The following CSMD3 variants were observed in gnomAD, a reference collection of about 807,000 sequenced individuals.
CSMD3 encodes the protein CUB and Sushi multiple domains 3.
A neutral mutation model predicts 435.2 loss-of-function variants in CSMD3; 177 were observed. That is an observed-to-expected ratio of 0.41 (90% CI 0.36 to 0.46). CSMD3 has a LOEUF of 0.46. CSMD3 is among the 20% of genes least tolerant of loss of function. The pLI, the probability that CSMD3 is intolerant of heterozygous loss-of-function variation, is 0.34. For synonymous variants in CSMD3, 1,656 were observed against 1,520.5 expected (o/e 1.09, Z -2.07); for missense variants, 4,265 against 4,504.6 (o/e 0.95, Z 1.52).
intron 27 of CSMD3, among the ~76,000 whole-genome samples, chr8:112,550,349 A>G (rs2131186420): frequency 6.6e-6 from 1 of 152,012 alleles, no homozygotes; most frequent in South Asian, 2.1e-4. Flanking sequence ...ATATTTTAAA[A>G]CTTCTACTTT....
intron 10 of CSMD3, among the ~76,000 whole-genome samples, chr8:112,911,720 T>C (rs2082421463): frequency 6.8e-6 from 1 of 147,966 alleles, no homozygotes; most frequent in South Asian, 2.1e-4. Flanking sequence ...TATTATGTTA[T>C]ATATAATTAT....
At chr8:113,314,129 A>G (rs1383468361) in intron 2 of CSMD3, 1 of 153,936 alleles carries the variant, frequency 6.5e-6, no homozygotes, top group African/African-American at 2.4e-5. Context: ...AACTACACAC[A>G]TTATCAGAAA....
At chr8:113,255,588 C>T (rs1057092028) in intron 3 of CSMD3, among the ~76,000 whole-genome samples, 14 of 151,988 alleles carry the variant, frequency 9.2e-5, no homozygotes, top group Non-Finnish European at 1.9e-4. Flanking sequence ...CAATTATCCT[C>T]ACTGTGTATT....
intron 12 of CSMD3, among the ~76,000 whole-genome samples, chr8:112,809,077 T>C (rs1435920080): frequency 6.6e-6 from 1 of 152,180 alleles, no homozygotes; most frequent in Non-Finnish European, 1.5e-5. Flanking sequence ...ATTTTTCCCC[T>C]TTGAACTAAT....
chr8:112,874,779 C>T (rs1407067921), intron 10 of CSMD3, among the ~76,000 whole-genome samples: 1 of 151,934 alleles, frequency 6.6e-6, no homozygotes, highest in East Asian at 1.9e-4. Context: ...GGTAAATATT[C>T]CTCCATCCCT....
chr8:112,370,834 G>A (rs1873746), intron 38 of CSMD3, among the ~76,000 whole-genome samples: 59,941 of 151,914 alleles, frequency 0.39, 13,306 homozygotes, highest in Middle Eastern at 0.54. Context: ...AAAATCCAAG[G>A]GGGCAAAAGT....
intron 23 of CSMD3, 40 bp from the exon 24 acceptor site, chr8:112,573,697 T>C (rs1405183485): frequency 1.4e-6 from 2 of 1,416,010 alleles, no homozygotes; most frequent in East Asian, 2.4e-5. Context: ...AATGTGCCAA[T>C]AATAATCAAT....
In CSMD3 at chr8:112,738,089, T is replaced by C. The variant is rs186332294; in HGVS notation, c.1973-48039A>G. Among the ~76,000 whole-genome samples, 10 of 151,900 alleles carry C rather than the reference T, an allele frequency of 6.6e-5. No individual in the cohort carries two copies. In the Admixed American group the frequency reaches 6.6e-4, roughly 10 times the overall value. On this transcript the variant is annotated intron_variant, in intron 13 of 70. Transcript: ENST00000297405. ...AGTGATAAGACCTGACGTTGGTTTA[T>C]AGATTATGGTGTCATTGATGCAGAT...
At chr8:113,278,760 T>A in intron 2 of CSMD3, 56 bp from the exon 3 acceptor site, 2 of 837,090 alleles carry the variant, frequency 2.4e-6, no homozygotes, top group Non-Finnish European at 4.2e-6. Flanking sequence ...TAAGAGTTTT[T>A]AAGAAGGATT....
chr8:112,281,400 T>C (rs1818625163), intron 58 of CSMD3, 50 bp from the exon 59 acceptor site: 1 of 1,491,008 alleles, frequency 6.7e-7, no homozygotes, highest in African/African-American at 1.4e-5. Flanking sequence ...AATCAGAAAT[T>C]CTTCCCAAAA....
intron 45 of CSMD3, among the ~76,000 whole-genome samples, chr8:112,334,327 T>G (rs1824365548): frequency 6.6e-6 from 1 of 152,212 alleles, no homozygotes; most frequent in African/African-American, 2.4e-5. Flanking sequence ...TAAATGTCTT[T>G]GAACACAATC....
In CSMD3 at chr8:112,405,455, A is replaced by G. The variant is rs1831767733; in HGVS notation, c.5809+1069T>C. 2.0e-5 allele frequency among the ~76,000 whole-genome samples: 3 copies of G among 150,910 alleles called. No individual in the cohort carries two copies. The South Asian group carries it at 6.2e-4, about 31-fold the overall frequency. The stretch of plus-strand genomic sequence containing the variant: ...AGAGAGTAATTTCCCTACTTTCTAT[A>G]TTTTCTATGTCTATGGAACTCTACA... On this transcript the variant is annotated intron_variant, in intron 35 of 70. Coordinates refer to ENST00000297405, the MANE Select transcript of CSMD3 (RefSeq NM_198123.2).
At chr8:112,721,227 T>C (rs2076850545) in intron 13 of CSMD3, among the ~76,000 whole-genome samples, 1 of 152,122 alleles carries the variant, frequency 6.6e-6, no homozygotes, top group South Asian at 2.1e-4. Context: ...AAAATCACCA[T>C]GAAAAACTGA....
intron 3 of CSMD3, among the ~76,000 whole-genome samples, chr8:113,249,908 T>C (rs2093318951): frequency 6.6e-6 from 1 of 152,072 alleles, no homozygotes; most frequent in Non-Finnish European, 1.5e-5. Flanking sequence ...GGGGAACAGT[T>C]CTATAAATCT....
At chr8:113,290,028 A>AT in intron 2 of CSMD3, among the ~76,000 whole-genome samples, 1 of 151,750 alleles carries the variant, frequency 6.6e-6, no homozygotes, top group Admixed American at 6.6e-5. Flanking sequence ...TTCTTTGTCA[A>AT]TTTCCTCCAG....
chr8:112,761,508 T>C (rs183955313), intron 13 of CSMD3, among the ~76,000 whole-genome samples: 37 of 152,214 alleles, frequency 2.4e-4, no homozygotes, highest in Admixed American at 2.4e-3. Context: ...TGATAAGTGT[T>C]ACCCCTCTTC....
At chr8:112,705,300 C>T (rs2076475092) in intron 13 of CSMD3, among the ~76,000 whole-genome samples, 1 of 152,016 alleles carries the variant, frequency 6.6e-6, no homozygotes, top group Admixed American at 6.6e-5. Flanking sequence ...TGAAATGAAT[C>T]TGCACAACAA....
At chr8:112,809,905 G>A (rs545870000) in intron 12 of CSMD3, among the ~76,000 whole-genome samples, 3 of 152,128 alleles carry the variant, frequency 2.0e-5, no homozygotes, top group Non-Finnish European at 4.4e-5. Flanking sequence ...ATCATTGAAG[G>A]AGGTAGCACC....
intron 8 of CSMD3, among the ~76,000 whole-genome samples, chr8:112,950,188 C>A (rs1301472554): frequency 1.3e-5 from 2 of 151,802 alleles, no homozygotes; most frequent in African/African-American, 4.8e-5. Context: ...ATATTTTCAA[C>A]AAATATGTCC....
Sources: allele counts gnomAD v4.1 joint callset (sites outside exome capture counted in the v4.1 genomes callset), GRCh38; gene constraint gnomAD v4.1.1; transcripts MANE v1.5; gene names NCBI Gene and HGNC (gene_info 2026-07-23, HGNC 2026-07-21).